The following SYN3 variants were observed in gnomAD, a reference collection of about 807,000 sequenced individuals.
SYN3 encodes the protein synapsin III.
A neutral mutation model predicts 65.8 loss-of-function variants in SYN3; 35 were observed. The observed-to-expected ratio is 0.53, with a 90% CI of 0.41 to 0.70. SYN3 has a LOEUF of 0.70. Among genes scored for constraint, SYN3 ranks in the 30% least tolerant of loss-of-function variants. The pLI is 0.00. For synonymous variants in SYN3, 270 were observed against 292.9 expected, an observed-to-expected ratio of 0.92 and a Z score of 0.80; for missense variants, 680 against 749.0, an observed-to-expected ratio of 0.91 and a Z score of 1.08.
intron 6 of SYN3, among the ~76,000 whole-genome samples, chr22:32,836,773 T>C (rs2146169061): frequency 6.6e-6 from 1 of 152,306 alleles, no homozygotes; most frequent in Non-Finnish European, 1.5e-5. Context: ...AGAATGAAGC[T>C]TGTGGAACTT....
intron 4 of SYN3, among the ~76,000 whole-genome samples, chr22:32,901,888 GCTGGCTGGAGCTGAAGCTA>G (rs2049770134): frequency 6.6e-6 from 1 of 152,234 alleles, no homozygotes; most frequent in Admixed American, 6.5e-5. Flanking sequence ...GGCCAGCCTT[GCTGGCTGGAGCTGAAGCTA>G]CTGAAGGGGA....
chr22:32,893,651 TGA>T lies in SYN3; in HGVS notation c.462-24528_462-24527del, dbSNP rs141988796. On this transcript the variant is annotated intron_variant, in intron 4 of 13. Coordinates refer to ENST00000358763, the MANE Select transcript of SYN3 (RefSeq NM_003490.4). Reference sequence around the variant, plus strand: ...TTTCACTCCAGAGTCTGGTAAGACCTGAGCAAACCCAACTGGTCCACACCTCC... The same window carrying T: ...TTTCACTCCAGAGTCTGGTAAGACCTGCAAACCCAACTGGTCCACACCTCC... 9.2e-3 allele frequency among the ~76,000 whole-genome samples: 1,405 copies of T among 152,260 alleles called. 5 individuals are homozygous for T. The highest frequency in any genetic ancestry group is 0.02 in the Middle Eastern group (6 of 294).
intron 6 of SYN3, among the ~76,000 whole-genome samples, chr22:32,671,596 C>T (rs2060366549): frequency 6.7e-6 from 1 of 149,834 alleles, no homozygotes; most frequent in African/African-American, 2.5e-5. Context: ...CACACGCTGT[C>T]ATACAGGTGC....
intron 1 of SYN3, among the ~76,000 whole-genome samples, chr22:33,008,002 T>C (rs902393551): frequency 6.6e-6 from 1 of 152,042 alleles, no homozygotes; most frequent in African/African-American, 2.4e-5. Context: ...AGTGGCACGA[T>C]CTTGGCTCAC....
intron 3 of SYN3, among the ~76,000 whole-genome samples, chr22:32,958,899 G>A (rs548415540): frequency 4.2e-4 from 64 of 152,182 alleles, no homozygotes; most frequent in Non-Finnish European, 7.2e-4. Context: ...CCCAGTGAGG[G>A]AATTACTTCT....
intron 6 of SYN3, among the ~76,000 whole-genome samples, chr22:32,669,283 G>A (rs2060330554): frequency 6.6e-6 from 1 of 152,166 alleles, no homozygotes; most frequent in Non-Finnish European, 1.5e-5. Flanking sequence ...GTGTGTGTTG[G>A]GGGAGCTTTC....
intron 4 of SYN3, among the ~76,000 whole-genome samples, chr22:32,878,992 T>C (rs906251212): frequency 6.6e-6 from 1 of 152,072 alleles, no homozygotes; most frequent in Non-Finnish European, 1.5e-5. Context: ...ATGTTGACAA[T>C]GCACTTAAAA....
chr22:32,622,529 G>T (rs2059609301), intron 6 of SYN3, among the ~76,000 whole-genome samples: 1 of 151,828 alleles, frequency 6.6e-6, no homozygotes, highest in South Asian at 2.1e-4. Context: ...TCCTTCCTGA[G>T]GGGCAGCTGA....
chr22:32,849,058 G>C (rs1040939887), intron 6 of SYN3, among the ~76,000 whole-genome samples: 2 of 152,242 alleles, frequency 1.3e-5, no homozygotes, highest in African/African-American at 2.4e-5. Flanking sequence ...AGTGGAAAGA[G>C]AACAGATCTG....
intron 6 of SYN3, among the ~76,000 whole-genome samples, chr22:32,600,043 G>A (rs972197424): frequency 6.6e-6 from 1 of 152,058 alleles, no homozygotes; most frequent in Non-Finnish European, 1.5e-5. Context: ...ATGAGGGGAT[G>A]GTTTTAGGAT....
At chr22:32,905,987 T>C (rs1326933528) in intron 4 of SYN3, among the ~76,000 whole-genome samples, 3 of 152,120 alleles carry the variant, frequency 2.0e-5, no homozygotes, top group Non-Finnish European at 4.4e-5. Flanking sequence ...ATATTCTAAC[T>C]GGGAAACTCT....
intron 5 of SYN3, among the ~76,000 whole-genome samples, chr22:32,866,317 G>A (rs1232272059): frequency 3.9e-5 from 6 of 152,164 alleles, no homozygotes; most frequent in African/African-American, 1.4e-4. Context: ...AACTCTTGGG[G>A]TATAGCCTTC....
intron 3 of SYN3, among the ~76,000 whole-genome samples, chr22:32,976,256 T>A (rs1452732430): frequency 6.6e-6 from 1 of 152,180 alleles, no homozygotes; most frequent in Non-Finnish European, 1.5e-5. Context: ...CCATGGGTCG[T>A]TCTGGCTTCC....
chr22:32,761,353 G>T (rs9609623), intron 6 of SYN3, among the ~76,000 whole-genome samples: 23,150 of 152,204 alleles, frequency 0.15, 2,275 homozygotes, highest in East Asian at 0.35. Context: ...GAGGCAAGGG[G>T]TGGCCGATAG....
At chr22:32,817,852 G>C (rs1156474038) in intron 6 of SYN3, among the ~76,000 whole-genome samples, 1 of 152,140 alleles carries the variant, frequency 6.6e-6, no homozygotes, top group African/African-American at 2.4e-5. Context: ...AACAGTAGGG[G>C]ACATACCGGT....
intron 6 of SYN3, among the ~76,000 whole-genome samples, chr22:32,719,121 A>G (rs530839987): frequency 6.6e-6 from 1 of 152,190 alleles, no homozygotes; most frequent in East Asian, 1.9e-4. Context: ...CCCCTCTTTG[A>G]GGTCCTGGGG....
intron 7 of SYN3, among the ~76,000 whole-genome samples, chr22:32,541,973 T>C (rs739006): frequency 0.42 from 63,272 of 151,692 alleles, 13,386 homozygotes; most frequent in Middle Eastern, 0.49. Flanking sequence ...AGGATGAACA[T>C]GTTTCAGATG....
At chr22:32,937,610 C>T (rs1248527851) in intron 3 of SYN3, among the ~76,000 whole-genome samples, 2 of 152,082 alleles carry the variant, frequency 1.3e-5, no homozygotes, top group African/African-American at 4.8e-5. Flanking sequence ...TTTGTGAGAA[C>T]TCTATAATGA....
chr22:32,945,658 A>G (rs1358149013), intron 3 of SYN3, among the ~76,000 whole-genome samples: 1 of 152,226 alleles, frequency 6.6e-6, no homozygotes, highest in African/African-American at 2.4e-5. Flanking sequence ...AAAACACCAA[A>G]AGCAATGGCA....
Sources: gnomAD v4.1 joint callset for allele counts (sites outside exome capture counted in the v4.1 genomes callset) on GRCh38, gnomAD v4.1.1 for gene constraint, MANE v1.5 for transcripts, NCBI Gene and HGNC (gene_info 2026-07-23, HGNC 2026-07-21) for gene names.